The following ASCC2 variants were observed in gnomAD, a reference collection of about 807,000 sequenced individuals.
The protein encoded by ASCC2 is activating signal cointegrator 1 complex subunit 2.
In ASCC2, 42 loss-of-function variants were observed where a neutral mutation model predicts 93.5. That is an observed-to-expected ratio of 0.45 (90% CI 0.35 to 0.58). ASCC2 has a LOEUF of 0.58. Ranked by LOEUF, ASCC2 falls within the 20% of genes least tolerant of loss-of-function variation. The pLI is 0.00. For missense variants in ASCC2, 859 were observed against 977.6 expected (o/e 0.88, Z 1.62); for synonymous variants, 364 against 384.2 (o/e 0.95, Z 0.62).
intron 9 of ASCC2, 109 bp downstream of exon 9, chr22:29,808,002 G>A: frequency 9.2e-7 from 1 of 1,091,910 alleles, no homozygotes; most frequent in Non-Finnish European, 1.4e-6. Flanking sequence ...ACAGTCCCTG[G>A]TCCCACCCAC....
intron 15 of ASCC2, among the ~76,000 whole-genome samples, chr22:29,797,161 A>T (rs372103244): frequency 6.6e-5 from 10 of 152,220 alleles, no homozygotes; most frequent in African/African-American, 2.2e-4. Context: ...CAGAGGCCAG[A>T]ACTTCAGTCA....
chr22:29,806,701 A>T (rs1248986348), intron 10 of ASCC2, 96 bp downstream of exon 10: 2 of 1,417,868 alleles, frequency 1.4e-6, no homozygotes, highest in Non-Finnish European at 2.0e-6. Flanking sequence ...AGCCAACCCC[A>T]GTGCAGTGGA....
intron 5 of ASCC2, chr22:29,821,891 TG>T: frequency 4.6e-6 from 2 of 435,732 alleles, no homozygotes; most frequent in Non-Finnish European, 9.1e-6. Flanking sequence ...CCCAGGTACC[TG>T]GGAGGCTGAG....
rs1470570651 is a variant in ASCC2 at position 29,825,086 on chromosome 22, C to T, written c.411+1G>A. 6.8e-7 allele frequency: 1 copy of T among 1,473,576 alleles called. No homozygotes were observed. Among genetic ancestry groups the T allele is most frequent in the Non-Finnish European group, 9.0e-7 (1 of 1,106,892 alleles). 91.3% of individuals were successfully genotyped at this position (1,473,576 alleles called of 1,614,324 possible). On this transcript the variant is annotated splice_donor_variant, in intron 4 of 19. Transcript: ENST00000307790. LOFTEE classifies it high-confidence loss of function. The surrounding 1 kb of genome is among the most constrained non-coding windows in gnomAD (Gnocchi z 4.9). ...GACCTGTCATGGGATCAGTGGCTTA[C>T]TTTGGATTCCTTGTGAGTGGACATG...
In ASCC2 at chr22:29,822,802, C is replaced by T. The variant is rs182602559; in HGVS notation, c.412-338G>A. Among the ~76,000 whole-genome samples, 53 of 147,862 alleles carry T rather than the reference C, an allele frequency of 3.6e-4. No individual in the cohort carries two copies. The East Asian group carries it at 9.2e-3, about 26-fold the overall frequency. ...GTGGTGTAATCTCTGCTCACTGCAA[C>T]CTCTACCTCGCCAGCTCAAGCCATT... is the stretch of plus-strand genomic sequence containing the variant. On this transcript the variant is annotated intron_variant, in intron 4 of 19. Transcript: ENST00000307790.
Position 29,793,652 on chromosome 22 carries a change from C to G in ASCC2, c.1713G>C (p.Arg571=), listed in dbSNP as rs1264282177. 6.3e-7 allele frequency: 1 copy of G among 1,582,534 alleles called. No individual in the cohort carries two copies. The highest frequency in any genetic ancestry group is 1.3e-5 in the African/African-American group (1 of 74,214). ...GKSTRKEENT[R]SLLNDKRAVA... ...CTGCACGCTTGTCGTTCAGCAAACT[C>G]CGCGTGTTTTCCTCCTTCCTGGTGC... The change falls in exon 16 of 20, where the codon CGG becomes CGC. Residue 571 remains arginine, a synonymous_variant. Transcript: ENST00000307790.
chr22:29,789,067 G>A lies in ASCC2; in HGVS notation c.2220C>T (p.His740=), dbSNP rs775888160. The stretch of plus-strand genomic sequence containing the variant: ...TGCGGTCGGCCATGGTTCTCCGGTT[G>A]TGGTTGGCTCTTGTCGCCTTGTTGG... The part of the protein sequence containing the change: ...KEANKATRAN[H]NRRTMADRKR... The change falls in exon 20 of 20, where the codon CAC becomes CAT. Residue 740 remains histidine, a synonymous_variant. Coordinates refer to ENST00000307790, the MANE Select transcript of ASCC2 (RefSeq NM_032204.5). 4 of 1,614,196 alleles carry A rather than the reference G, an allele frequency of 2.5e-6. No individual in the cohort carries two copies. Among genetic ancestry groups the A allele is most frequent in the Admixed American group, 1.7e-5 (1 of 60,030 alleles).
At chr22:29,823,462 A>C (rs1245852211) in intron 4 of ASCC2, among the ~76,000 whole-genome samples, 2 of 152,274 alleles carry the variant, frequency 1.3e-5, no homozygotes, top group African/African-American at 4.8e-5. Context: ...TCAGGAAAAA[A>C]GAGAACTAAG....
At position 29,788,994 on chromosome 22, in the gene ASCC2, A is replaced by C. The variant is rs2068493646; in HGVS notation, c.*19T>G. On this transcript the variant is annotated 3_prime_UTR_variant, in exon 20 of 20. Transcript: ENST00000307790. The stretch of plus-strand genomic sequence containing the variant: ...GTGAGTCTGGTGCCGCTGCCTCCCC[A>C]CTGGCCCTGCACCAGGTCTCAGGAT... 1 of 1,613,834 alleles carries C rather than the reference A, an allele frequency of 6.2e-7. No individual in the cohort carries two copies. The highest frequency in any genetic ancestry group is 1.3e-5 in the African/African-American group (1 of 74,928).
In ASCC2 at chr22:29,801,117, G is replaced by A. The variant is rs2059028690; in HGVS notation, c.1569-7C>T. On this transcript the variant is annotated splice_polypyrimidine_tract_variant and splice_region_variant and intron_variant, in intron 14 of 19. Transcript: ENST00000307790. ...AGGGTCTGGTTTCATTTCTCTGGGT[G>A]GGGGACACAGAGATCAATTTAAGGG... 3 of 1,589,522 alleles carry A rather than the reference G, an allele frequency of 1.9e-6. No individual in the cohort carries two copies. Among genetic ancestry groups the A allele is most frequent in the African/African-American group, 1.3e-5 (1 of 74,510 alleles).
intron 1 of ASCC2, chr22:29,834,406 G>T (rs1195218683): frequency 2.2e-6 from 1 of 446,354 alleles, no homozygotes; most frequent in East Asian, 7.2e-5. Flanking sequence ...AGGAACCTTG[G>T]TTCTGGCCTG....
intron 1 of ASCC2, chr22:29,833,485 G>T: frequency 2.4e-6 from 1 of 420,620 alleles, no homozygotes. Flanking sequence ...CAGGGAAAAA[G>T]ATAATTCATA....
intron 15 of ASCC2, among the ~76,000 whole-genome samples, 165 bp from the exon 16 acceptor site, chr22:29,793,841 C>T (rs1247022212): frequency 3.3e-5 from 5 of 151,646 alleles, no homozygotes; most frequent in African/African-American, 7.3e-5. Flanking sequence ...GGGACTGTCA[C>T]TGCTGCTGGT....
chr22:29,823,899 T>C (rs188848666), intron 4 of ASCC2, among the ~76,000 whole-genome samples: 407 of 151,882 alleles, frequency 2.7e-3, no homozygotes, highest in African/African-American at 9.2e-3. Flanking sequence ...ATTTGGAAAT[T>C]TCCATTCTAG....
chr22:29,789,821 G>A (rs150018767), intron 19 of ASCC2, among the ~76,000 whole-genome samples: 2,075 of 152,326 alleles, frequency 0.014, 34 homozygotes, highest in Non-Finnish European at 0.016. Flanking sequence ...GCCGGGATGC[G>A]GGAGTGGGCT....
chr22:29,788,796 A>ACGGATTCTT lies in ASCC2; in HGVS notation c.*208_*216dup. On this transcript the variant is annotated 3_prime_UTR_variant, in exon 20 of 20. Transcript: ENST00000307790. ...GGGAAGGTGCCTGCTTGCCGGCCCCACGGATTCTTCGGCTGTGGCATAAGG... is the reference window on the plus strand; with the variant it reads ...GGGAAGGTGCCTGCTTGCCGGCCCCACGGATTCTTCGGATTCTTCGGCTGTGGCATAAGG... 1.7e-6 allele frequency: 1 copy of ACGGATTCTT among 577,838 alleles called. No homozygotes were observed. Among genetic ancestry groups the ACGGATTCTT allele is most frequent in the Non-Finnish European group, 3.0e-6 (1 of 329,066 alleles). The allele number at this position is 577,838 out of a possible 1,614,324, so 35.8% of individuals were successfully genotyped here.
At chr22:29,809,417 T>C (rs2060045677) in intron 8 of ASCC2, among the ~76,000 whole-genome samples, 1 of 152,104 alleles carries the variant, frequency 6.6e-6, no homozygotes. Flanking sequence ...TTTGACCTCC[T>C]GGGCTCAAGC....
chr22:29,811,054 A>G (rs986598431), intron 8 of ASCC2, among the ~76,000 whole-genome samples: 1 of 152,116 alleles, frequency 6.6e-6, no homozygotes, highest in Non-Finnish European at 1.5e-5. Context: ...TTTGTATAGC[A>G]AACAACTGAA....
intron 18 of ASCC2, among the ~76,000 whole-genome samples, chr22:29,791,092 A>G (rs2057685962): frequency 2.0e-5 from 3 of 152,254 alleles, no homozygotes; most frequent in African/African-American, 7.2e-5. Flanking sequence ...AGGAAAAAAA[A>G]AGGCCAGACA....
Sources: gnomAD v4.1 joint callset for allele counts (sites outside exome capture counted in the v4.1 genomes callset) on GRCh38, gnomAD v4.1.1 for gene constraint, Gnocchi (gnomAD v3.1) non-coding constraint, MANE v1.5 for transcripts, NCBI Gene and HGNC (gene_info 2026-07-23, HGNC 2026-07-21) for gene names.